The following FEZ1 variants were observed in gnomAD, a reference collection of about 807,000 sequenced individuals.
FEZ1 encodes fasciculation and elongation protein zeta-1.
Under a neutral mutation model 49.3 loss-of-function variants are expected in FEZ1, and 20 were observed. The ratio of observed to expected loss-of-function variants is 0.41; its 90% confidence interval spans 0.29 to 0.59. The LOEUF is 0.59. Among genes scored for constraint, FEZ1 ranks in the 20% least tolerant of loss-of-function variants. The pLI, the probability that FEZ1 is intolerant of heterozygous loss-of-function variation, is 0.36. For synonymous variants in FEZ1, 170 were observed against 180.9 expected (o/e 0.94, Z 0.48); for missense variants, 413 against 476.0 (o/e 0.87, Z 1.23).
intron 1 of FEZ1, among the ~76,000 whole-genome samples, chr11:125,490,851 A>G (rs992164439): frequency 1.3e-5 from 2 of 151,944 alleles, no homozygotes; most frequent in African/African-American, 4.8e-5. Flanking sequence ...TGCAACCTAC[A>G]CCTCTGGGTT....
chr11:125,449,393 C>CTGT (rs1209408201), intron 8 of FEZ1, among the ~76,000 whole-genome samples: 1 of 31,132 alleles, frequency 3.2e-5, no homozygotes, highest in Admixed American at 5.2e-4. Flanking sequence ...CCATCCTGGA[C>CTGT]AACATAGCAA....
In FEZ1 at chr11:125,443,640, C is replaced by T. The variant is rs748154063; in HGVS notation, c.*2455G>A. ...TGCATTTCTAACAAGCTTCTAAGTG[C>T]GGTCAGTGCTGCTGGCCTGGAAAGC... On this transcript the variant is annotated 3_prime_UTR_variant, in exon 10 of 10. Coordinates refer to ENST00000278919, the MANE Select transcript of FEZ1 (RefSeq NM_005103.5). Among the ~76,000 whole-genome samples, 21 of 152,216 alleles carry T rather than the reference C, an allele frequency of 1.4e-4. No individual in the cohort carries two copies. The highest frequency in any genetic ancestry group is 2.2e-4 in the African/African-American group (9 of 41,536).
chr11:125,448,496 T>C lies in FEZ1; in HGVS notation c.1162+6A>G. ...TCTGCTCCAGGAGGCCTGGGGCTGC[T>C]CTTACCTTTTAAAATGTAGTCCGTT... is the stretch of plus-strand genomic sequence containing the variant. On this transcript the variant is annotated splice_donor_region_variant and intron_variant, in intron 9 of 9. Transcript: ENST00000278919. 6.2e-7 allele frequency: 1 copy of C among 1,602,736 alleles called. No homozygotes were observed. The highest frequency in any genetic ancestry group is 8.5e-7 in the Non-Finnish European group (1 of 1,169,640).
intron 9 of FEZ1, among the ~76,000 whole-genome samples, chr11:125,446,680 G>C (rs1463777157): frequency 6.6e-6 from 1 of 151,732 alleles, no homozygotes; most frequent in African/African-American, 2.4e-5. Flanking sequence ...TTTGTGGTTT[G>C]TTTGTTTGTT....
chr11:125,448,350 A>G, intron 9 of FEZ1, 152 bp downstream of exon 9: 1 of 536,790 alleles, frequency 1.9e-6, no homozygotes. Flanking sequence ...ACCCAAAGGG[A>G]AAACCTATTA....
chr11:125,460,694 A>C, intron 4 of FEZ1, 28 bp from the exon 5 acceptor site: 1 of 1,605,876 alleles, frequency 6.2e-7, no homozygotes, highest in Non-Finnish European at 8.5e-7. Flanking sequence ...GAGAGTGCTA[A>C]CTCTGTTCTC....
rs181830556 is a variant in FEZ1, at chr11:125,454,175, C to G, written c.975G>C (p.Gln325His). 4.3e-6 allele frequency: 7 copies of G among 1,613,566 alleles called. No individual in the cohort carries two copies. The highest frequency in any genetic ancestry group is 1.6e-4 in the Middle Eastern group (1 of 6,082). The change falls in exon 7 of 10, where the codon CAG (glutamine) becomes CAC (histidine). Residue 325 changes from glutamine to histidine, a missense_variant. Gln to His is a conservative substitution (Grantham distance 24). Transcript: ENST00000278919. ...AGCCAAAGGTCTGGCGGATGCCACT[C>G]TGCAGAATGTTGGAGATGCCTTCCA... ...FSMEGISNIL[Q>H]SGIRQTFGSS...
intron 5 of FEZ1, 171 bp from the exon 6 acceptor site, chr11:125,456,277 C>T (rs898656960): frequency 5.4e-5 from 34 of 624,876 alleles, no homozygotes; most frequent in Non-Finnish European, 8.0e-5. Flanking sequence ...GCCAGGAAGG[C>T]GGGGGCCTGT....
chr11:125,492,349 A>G (rs1385817816), intron 1 of FEZ1, among the ~76,000 whole-genome samples: 4 of 152,226 alleles, frequency 2.6e-5, no homozygotes, highest in South Asian at 2.1e-4. Flanking sequence ...CTATATTTCA[A>G]TGAAATTGGT....
intron 5 of FEZ1, chr11:125,456,364 ACTCTATTCTC>A: frequency 2.5e-6 from 1 of 407,714 alleles, no homozygotes; most frequent in African/African-American, 2.0e-5. Flanking sequence ...AAGTCTGTGG[ACTCTATTCTC>A]AAAAATGGGG....
chr11:125,452,696 A>G, intron 7 of FEZ1: 1 of 369,536 alleles, frequency 2.7e-6, no homozygotes, highest in Non-Finnish European at 4.8e-6. Flanking sequence ...TTAGACTGAA[A>G]GCAGAGAATA....
intron 5 of FEZ1, among the ~76,000 whole-genome samples, chr11:125,458,596 C>T (rs1016915955): frequency 1.3e-5 from 2 of 152,186 alleles, no homozygotes; most frequent in Non-Finnish European, 2.9e-5. Context: ...CCCCCACCTC[C>T]CTTTTCTTTC....
chr11:125,459,421 A>G (rs572928560), intron 5 of FEZ1, among the ~76,000 whole-genome samples: 2 of 151,876 alleles, frequency 1.3e-5, no homozygotes, highest in East Asian at 3.9e-4. Flanking sequence ...GAGAAACCCC[A>G]TCTCTACTAA....
intron 2 of FEZ1, 130 bp from the exon 3 acceptor site, chr11:125,481,763 T>C: frequency 2.8e-6 from 2 of 717,558 alleles, no homozygotes; most frequent in Non-Finnish European, 5.0e-6. Flanking sequence ...CCTTCCAGCA[T>C]GCAGGGGCAA....
chr11:125,495,458 G>C lies in FEZ1; in HGVS notation c.-46+663C>G, dbSNP rs1565308432. 1 of 470,300 alleles carries C rather than the reference G, an allele frequency of 2.1e-6. No homozygotes were observed. Among genetic ancestry groups the C allele is most frequent in the East Asian group, 7.0e-5 (1 of 14,344 alleles). The allele number at this position is 470,300 out of a possible 1,614,324, so 29.1% of individuals were successfully genotyped here. A position where few individuals can be genotyped will look rare whatever the true frequency, so the allele number is the denominator to read the frequency against. ...GGCCCACCCGACGGCAGCGCGCCCC[G>C]CCACCGCGCAGCCGCCCCGGTCCCT... On this transcript the variant is annotated intron_variant, in intron 1 of 9. Transcript: ENST00000278919. This position sits in a 1 kb window ranked among gnomAD's most constrained non-coding sequence, Gnocchi z 4.2.
At chr11:125,481,670 G>A (rs1293451498) in intron 2 of FEZ1, 37 bp from the exon 3 acceptor site, 4 of 1,430,786 alleles carry the variant, frequency 2.8e-6, no homozygotes, top group Admixed American at 1.7e-5. Flanking sequence ...ACACACATCT[G>A]TGGCCTGGCC....
At chr11:125,461,509 A>G (rs749766468) in intron 4 of FEZ1, among the ~76,000 whole-genome samples, 5 of 152,188 alleles carry the variant, frequency 3.3e-5, no homozygotes, top group Admixed American at 1.3e-4. Flanking sequence ...TGGGAGGTTG[A>G]GGTGGGAGGA....
At chr11:125,483,204 T>C (rs1396248597) in intron 2 of FEZ1, among the ~76,000 whole-genome samples, 1 of 152,050 alleles carries the variant, frequency 6.6e-6, no homozygotes, top group Non-Finnish European at 1.5e-5. Flanking sequence ...ATATATCACA[T>C]CACATTCCTG....
intron 2 of FEZ1, among the ~76,000 whole-genome samples, chr11:125,485,877 C>T (rs510050): frequency 0.19 from 28,149 of 151,880 alleles, 2,743 homozygotes; most frequent in African/African-American, 0.22. Context: ...AACAAGGAAG[C>T]GGAGCTTGCA....
Sources: gnomAD v4.1 joint callset for allele counts (sites outside exome capture counted in the v4.1 genomes callset) on GRCh38, gnomAD v4.1.1 for gene constraint, Gnocchi (gnomAD v3.1) non-coding constraint, MANE v1.5 for transcripts, NCBI Gene and HGNC (gene_info 2026-07-23, HGNC 2026-07-21) for gene names.